Variants in CGNL1 observed in about 807,000 individuals in gnomAD.
CGNL1 encodes cingulin-like protein 1.
CGNL1 carries 132 observed loss-of-function variants against 141.2 expected under a neutral mutation model. That is an observed-to-expected ratio of 0.93 (90% CI 0.81 to 1.08). CGNL1 has a LOEUF of 1.08. CGNL1 is among the 50% of genes least tolerant of loss of function. CGNL1 has a pLI of 0.00. For missense variants in CGNL1, 1,870 were observed against 1,588.6 expected (o/e 1.18, Z -3.01); for synonymous variants, 690 against 622.1 (o/e 1.11, Z -1.63).
chr15:57,473,713 T>C (rs1243508905), intron 8 of CGNL1, among the ~76,000 whole-genome samples: 3 of 151,964 alleles, frequency 2.0e-5, no homozygotes, highest in Non-Finnish European at 4.4e-5. Context: ...AAAAACCCCA[T>C]GTGGCAAAGG....
chr15:57,438,119 C>T lies in CGNL1; in HGVS notation c.120C>T (p.Tyr40=), dbSNP rs192521923. The T allele has an allele frequency of 2.6e-5, 42 of 1,614,170 alleles. No individual in the cohort carries two copies. The highest frequency in any genetic ancestry group is 6.7e-5 in the East Asian group (3 of 44,884). The change falls in exon 2 of 19, where the codon TAC becomes TAT. Residue 40 remains tyrosine (Y), a synonymous_variant. Coordinates refer to ENST00000281282, the MANE Select transcript of CGNL1 (RefSeq NM_032866.5). ...RSSQNSKAGS[Y]GVSIRVQGID... Reference sequence around the variant, plus strand: ...CCCAGAACTCCAAGGCAGGCTCCTACGGTGTCAGTATTCGGGTCCAGGGAA... The same window carrying T: ...CCCAGAACTCCAAGGCAGGCTCCTATGGTGTCAGTATTCGGGTCCAGGGAA...
Position 57,439,163 on chromosome 15 carries a change from C to G in CGNL1, c.1164C>G (p.Ser388Arg). The change falls in exon 2 of 19, where the codon AGC becomes AGG. Residue 388 changes from serine to arginine, a missense_variant. By Grantham distance (110) the Ser-to-Arg change is moderately radical. Coordinates refer to ENST00000281282, the MANE Select transcript of CGNL1 (RefSeq NM_032866.5). ...INTDDRKRSRSVDSAFPFGLQ... is the reference protein window; with the variant it reads ...INTDDRKRSRRVDSAFPFGLQ... ...CAGATGACAGGAAAAGATCCAGAAG[C>G]GTGGATAGCGCCTTTCCTTTTGGCC... 1 of 1,614,144 alleles carries G rather than the reference C, an allele frequency of 6.2e-7. No homozygotes were observed. Among genetic ancestry groups the G allele is most frequent in the Non-Finnish European group, 8.5e-7 (1 of 1,180,010 alleles).
At chr15:57,487,826 C>T (rs1288722893) in intron 8 of CGNL1, among the ~76,000 whole-genome samples, 1 of 152,186 alleles carries the variant, frequency 6.6e-6, no homozygotes, top group Non-Finnish European at 1.5e-5. Flanking sequence ...TTACCTCTCT[C>T]AAAGAGAGTC....
chr15:57,543,238 ATCTTCACGTGGCCG>A lies in CGNL1; in HGVS notation c.3292-452_3292-439del, dbSNP rs1567179235. On this transcript the variant is annotated intron_variant, in intron 14 of 18. Transcript: ENST00000281282. ...CCTCCATCTCCACTTCCCTGTGTCC[ATCTTCACGTGGCCG>A]TCTTCCCTGTGTACGTGTTTGTCTC... is the stretch of plus-strand genomic sequence containing the variant. Among the ~76,000 whole-genome samples the A allele has an allele frequency of 4.9e-5, 5 of 101,710 alleles. No individual in the cohort carries two copies. In the East Asian group the frequency reaches 8.7e-4, roughly 18 times the overall value. 66.7% of individuals were successfully genotyped at this position (101,710 alleles called of 152,430 possible). A position where few individuals can be genotyped will look rare whatever the true frequency, so the allele number is the denominator to read the frequency against.
chr15:57,510,410 T>A (rs1247501351), intron 8 of CGNL1, among the ~76,000 whole-genome samples: 1 of 152,228 alleles, frequency 6.6e-6, no homozygotes, highest in Non-Finnish European at 1.5e-5. Flanking sequence ...TGCTGTTTCC[T>A]CTAAACAGAC....
intron 14 of CGNL1, among the ~76,000 whole-genome samples, chr15:57,533,611 A>G (rs2032082991): frequency 6.6e-6 from 1 of 152,210 alleles, no homozygotes; most frequent in Non-Finnish European, 1.5e-5. Flanking sequence ...CTTCAGTTCC[A>G]TGTTTATATC....
intron 1 of CGNL1, among the ~76,000 whole-genome samples, chr15:57,379,189 G>A (rs2062399392): frequency 6.6e-6 from 1 of 152,102 alleles, no homozygotes; most frequent in African/African-American, 2.4e-5. Context: ...CATGGTGTCT[G>A]AAAAGTCACC....
chr15:57,533,939 G>A (rs2032103696), intron 14 of CGNL1, among the ~76,000 whole-genome samples: 1 of 152,200 alleles, frequency 6.6e-6, no homozygotes, highest in Admixed American at 6.5e-5. Context: ...CAGTGGGCTG[G>A]CAGTCCCAGT....
At chr15:57,390,663 A>C (rs1267883738) in intron 1 of CGNL1, among the ~76,000 whole-genome samples, 2 of 152,036 alleles carry the variant, frequency 1.3e-5, no homozygotes, top group African/African-American at 4.8e-5. Context: ...GTGAAAAATC[A>C]TATGCATTTG....
At chr15:57,477,241 GA>G (rs548549706) in intron 8 of CGNL1, among the ~76,000 whole-genome samples, 20 of 152,306 alleles carry the variant, frequency 1.3e-4, no homozygotes, top group Non-Finnish European at 2.1e-4. Context: ...AGATAGATCT[GA>G]AAGCATTCAG....
rs540192743 is a variant in CGNL1, at chr15:57,387,522, G to C, written c.-16+10955G>C. On this transcript the variant is annotated intron_variant, in intron 1 of 18. Coordinates refer to ENST00000281282, the MANE Select transcript of CGNL1 (RefSeq NM_032866.5). ...GGTGCTGGGGAATAGGTCTTATTAG[G>C]TATCTTACTTCTGTGAAAGAATTAG... is the stretch of plus-strand genomic sequence containing the variant. Among the ~76,000 whole-genome samples the C allele has an allele frequency of 1.1e-4, 16 of 152,226 alleles. No individual in the cohort carries two copies. In the South Asian group the frequency reaches 1.9e-3, roughly 18 times the overall value.
chr15:57,505,985 AG>A (rs1395594893), intron 8 of CGNL1, among the ~76,000 whole-genome samples: 1 of 152,236 alleles, frequency 6.6e-6, no homozygotes, highest in African/African-American at 2.4e-5. Flanking sequence ...GCAGGGGTGC[AG>A]GGCAGAACTG....
At chr15:57,399,473 A>G (rs1202980496) in intron 1 of CGNL1, among the ~76,000 whole-genome samples, 1 of 150,484 alleles carries the variant, frequency 6.6e-6, no homozygotes, top group African/African-American at 2.4e-5. Context: ...TTGGTTGATT[A>G]TTTTTTGAAA....
intron 8 of CGNL1, among the ~76,000 whole-genome samples, chr15:57,473,901 T>TTG (rs1555441230): frequency 3.0e-5 from 2 of 67,778 alleles, no homozygotes; most frequent in Non-Finnish European, 7.0e-5. Flanking sequence ...TTCTTCTTCT[T>TTG]TTTTTTTTTT....
intron 1 of CGNL1, among the ~76,000 whole-genome samples, chr15:57,396,277 GTTTT>G (rs57154500): frequency 3.3e-4 from 43 of 129,218 alleles, no homozygotes; most frequent in Middle Eastern, 3.9e-3. Flanking sequence ...TTCTTTCTTT[GTTTT>G]TTTTTTTTTT....
At chr15:57,534,734 C>T (rs1224876715) in intron 14 of CGNL1, among the ~76,000 whole-genome samples, 2 of 152,214 alleles carry the variant, frequency 1.3e-5, no homozygotes, top group Non-Finnish European at 2.9e-5. Context: ...AGGACATCTC[C>T]TAAAAACAGG....
chr15:57,393,824 G>T (rs2062569601), intron 1 of CGNL1: 1 of 151,856 alleles, frequency 6.6e-6, no homozygotes, highest in Non-Finnish European at 1.5e-5. Context: ...AATTTTACAT[G>T]AATTCTGCAT....
chr15:57,501,677 G>A (rs2064027035), intron 8 of CGNL1, among the ~76,000 whole-genome samples: 1 of 152,198 alleles, frequency 6.6e-6, no homozygotes, highest in Admixed American at 6.5e-5. Context: ...GCCAGCAAAA[G>A]GGATGGGGTT....
At chr15:57,515,454 T>C (rs566899440) in intron 8 of CGNL1, among the ~76,000 whole-genome samples, 79 of 152,344 alleles carry the variant, frequency 5.2e-4, no homozygotes, top group African/African-American at 1.6e-3. Context: ...TTCTCCCACA[T>C]GGTCGGTGAT....
Sources: allele counts gnomAD v4.1 joint callset (sites outside exome capture counted in the v4.1 genomes callset), GRCh38; gene constraint gnomAD v4.1.1; transcripts MANE v1.5; gene names NCBI Gene and HGNC (gene_info 2026-07-23, HGNC 2026-07-21).